Variants in PCDHGA8 observed in about 807,000 individuals in gnomAD.
PCDHGA8 encodes protocadherin gamma-A8.
A neutral mutation model predicts 59.2 loss-of-function variants in PCDHGA8; 45 were observed. The ratio of observed to expected loss-of-function variants is 0.76; its 90% CI spans 0.60 to 0.98. The LOEUF is 0.98. PCDHGA8 is among the 50% of genes least tolerant of loss of function. The pLI is 0.00. For synonymous variants in PCDHGA8, 531 were observed against 519.0 expected, an observed-to-expected ratio of 1.02 and a Z score of -0.32; for missense variants, 1,257 against 1,196.2, an observed-to-expected ratio of 1.05 and a Z score of -0.75.
chr5:141,463,176 C>CA (rs2099054640), intron 1 of PCDHGA8, among the ~76,000 whole-genome samples: 1 of 152,100 alleles, frequency 6.6e-6, no homozygotes, highest in African/African-American at 2.4e-5. Flanking sequence ...TATGTATGCT[C>CA]AGATTATTAT....
intron 1 of PCDHGA8, chr5:141,399,900 C>A (rs752796935): frequency 6.2e-7 from 1 of 1,612,532 alleles, no homozygotes; most frequent in African/African-American, 1.3e-5. Flanking sequence ...TGGCCGTGGA[C>A]GCAGACTCAG....
At chr5:141,423,806 T>A in intron 1 of PCDHGA8, 1 of 1,251,576 alleles carries the variant, frequency 8.0e-7, no homozygotes, top group African/African-American at 1.6e-5. Flanking sequence ...GCAATACATG[T>A]GAGTTTTACT....
At chr5:141,403,524 A>T in intron 1 of PCDHGA8, 1 of 1,613,890 alleles carries the variant, frequency 6.2e-7, no homozygotes. Context: ...GGAGCCATAA[A>T]CCCAGAGCTG....
At chr5:141,408,818 A>G in intron 1 of PCDHGA8, 1 of 1,613,578 alleles carries the variant, frequency 6.2e-7, no homozygotes, top group South Asian at 1.1e-5. Flanking sequence ...GGAAGAACAG[A>G]GATCTCATAG....
chr5:141,475,903 G>C, intron 1 of PCDHGA8: 5 of 576,064 alleles, frequency 8.7e-6, no homozygotes, highest in Non-Finnish European at 1.5e-5. Context: ...TGCCGCTGTC[G>C]GCCAATGAAG....
intron 1 of PCDHGA8, among the ~76,000 whole-genome samples, chr5:141,438,629 TATATATACACACAC>T (rs1468553117): frequency 3.8e-3 from 181 of 48,054 alleles, no homozygotes; most frequent in Non-Finnish European, 5.4e-3. Flanking sequence ...TATATATATA[TATATATACACACAC>T]ACACACACAT....
intron 1 of PCDHGA8, chr5:141,423,244 C>T: frequency 1.2e-6 from 2 of 1,613,984 alleles, no homozygotes; most frequent in Non-Finnish European, 1.7e-6. Context: ...CCCCGAAGTC[C>T]TGGCGGACCT....
chr5:141,420,415 T>A, intron 1 of PCDHGA8: 1 of 1,217,296 alleles, frequency 8.2e-7, no homozygotes, highest in Non-Finnish European at 1.1e-6. Context: ...TTATCATTAT[T>A]AAAACAAAAG....
At chr5:141,454,483 C>T (rs1434684795) in intron 1 of PCDHGA8, among the ~76,000 whole-genome samples, 9 of 151,684 alleles carry the variant, frequency 5.9e-5, no homozygotes, top group African/African-American at 9.7e-5. Flanking sequence ...CTCAGCTCAC[C>T]GCAACCTCCA....
chr5:141,494,198 C>T (rs1383940298), intron 1 of PCDHGA8, among the ~76,000 whole-genome samples: 8 of 152,158 alleles, frequency 5.3e-5, no homozygotes, highest in African/African-American at 1.7e-4. Context: ...TTGGATGCCC[C>T]GCAAAGGCCC....
intron 1 of PCDHGA8, among the ~76,000 whole-genome samples, chr5:141,470,417 T>A (rs1482173610): frequency 6.6e-6 from 1 of 152,226 alleles, no homozygotes; most frequent in East Asian, 1.9e-4. Context: ...ATTTTATGTA[T>A]TTTTTCCTTG....
chr5:141,497,239 G>A (rs2099775226), intron 2 of PCDHGA8, among the ~76,000 whole-genome samples: 1 of 152,104 alleles, frequency 6.6e-6, no homozygotes, highest in Admixed American at 6.5e-5. Flanking sequence ...AAGGCTTCTA[G>A]GAGGAGGTGA....
In PCDHGA8 at chr5:141,409,552, A is replaced by C. The variant is rs777125488; in HGVS notation, c.2424+14315A>C. On this transcript the variant is annotated intron_variant, in intron 1 of 3. Transcript: ENST00000398604. ...TCGCTGACATCAACGACAACGCCCC[A>C]GTTTTCGACCAGACGTCCTACGTGG... 9 of 1,613,844 alleles carry C rather than the reference A, an allele frequency of 5.6e-6. No homozygotes were observed. The East Asian group carries it at 1.1e-4, about 20-fold the overall frequency.
At chr5:141,495,800 C>T (rs1351461035) in intron 2 of PCDHGA8, among the ~76,000 whole-genome samples, 5 of 152,134 alleles carry the variant, frequency 3.3e-5, no homozygotes, top group Non-Finnish European at 7.3e-5. Context: ...CTCCTTTCAC[C>T]GTTTCCTAGC....
rs774858191 is a variant in PCDHGA8 at position 141,413,689 on chromosome 5, C to T, written c.2424+18452C>T. On this transcript the variant is annotated intron_variant, in intron 1 of 3. Transcript: ENST00000398604. Reference sequence around the variant, plus strand: ...TCCGGATGTGGGCGTGAACTCCCTGCAGAGCTATCAGCTCAGCCCCAATAA... The same window carrying T: ...TCCGGATGTGGGCGTGAACTCCCTGTAGAGCTATCAGCTCAGCCCCAATAA... 6 of 1,613,800 alleles carry T rather than the reference C, an allele frequency of 3.7e-6. No individual in the cohort carries two copies. The Admixed American group carries it at 5.0e-5, about 13-fold the overall frequency.
chr5:141,395,515 C>A, intron 1 of PCDHGA8: 1 of 407,332 alleles, frequency 2.5e-6, no homozygotes, highest in Non-Finnish European at 4.4e-6. Flanking sequence ...AGTAGCTACC[C>A]GTCCATACTG....
chr5:141,397,205 AAG>A (rs896486095), intron 1 of PCDHGA8, among the ~76,000 whole-genome samples: 76 of 152,336 alleles, frequency 5.0e-4, no homozygotes, highest in African/African-American at 1.8e-3. Context: ...GATATGACAT[AAG>A]AGAAGTATTT....
intron 1 of PCDHGA8, among the ~76,000 whole-genome samples, chr5:141,455,172 G>GT (rs1344126228): frequency 3.3e-5 from 5 of 150,340 alleles, no homozygotes; most frequent in South Asian, 4.2e-4. Context: ...TTTTTTTTTA[G>GT]TTTTTTTATT....
chr5:141,395,038 G>A lies in PCDHGA8; in HGVS notation c.2225G>A (p.Gly742Asp), dbSNP rs762482437. Residue 742 changes from glycine (G) to aspartate (D), a missense_variant, in exon 1 of 4, where the codon GGT becomes GAT. Gly to Asp is a moderately conservative substitution (Grantham distance 94, BLOSUM62 -1). Transcript: ENST00000398604. Reference sequence around the variant, plus strand: ...GGCGTGCCTGCCTCACATTTTGTGGGTGTTGAGGAGGTACAGGCTTTCCTG... The same window carrying A: ...GGCGTGCCTGCCTCACATTTTGTGGATGTTGAGGAGGTACAGGCTTTCCTG... ...LVGVPASHFV[G>D]VEEVQAFLQT... is the part of the protein sequence containing the mutation. 5.3e-5 allele frequency: 85 copies of A among 1,614,150 alleles called. 1 individual carries two copies. Among genetic ancestry groups the A allele is most frequent in the Non-Finnish European group, 7.1e-5 (84 of 1,180,034 alleles).
Sources: allele counts gnomAD v4.1 joint callset (sites outside exome capture counted in the v4.1 genomes callset), GRCh38; gene constraint gnomAD v4.1.1; transcripts MANE v1.5; gene names NCBI Gene and HGNC (gene_info 2026-07-23, HGNC 2026-07-21).